CHMP3: variants seen among roughly 807,000 people sequenced by gnomAD.
CHMP3 encodes charged multivesicular body protein 3, also known as 25.1 protein.
A neutral mutation model predicts 27.4 loss-of-function variants in CHMP3; 8 were observed. That is an observed-to-expected ratio of 0.29 (90% CI 0.17 to 0.53). CHMP3 has a LOEUF of 0.53. CHMP3 is among the 20% of genes least tolerant of loss of function. The pLI, the probability that CHMP3 is intolerant of heterozygous loss-of-function variation, is 0.96. For missense variants in CHMP3, 208 were observed against 271.5 expected (o/e 0.77, Z 1.64); for synonymous variants, 86 against 85.5 (o/e 1.01, Z -0.03).
chr2:86,557,006 G>A (rs1319273323), intron 1 of CHMP3, among the ~76,000 whole-genome samples: 1 of 152,218 alleles, frequency 6.6e-6, no homozygotes, highest in African/African-American at 2.4e-5. Context: ...AGAATAAACA[G>A]AAACATAATC....
At chr2:86,514,628 T>C (rs779611312) in intron 3 of CHMP3, among the ~76,000 whole-genome samples, 1 of 152,178 alleles carries the variant, frequency 6.6e-6, no homozygotes, top group African/African-American at 2.4e-5. Context: ...TAACAATATG[T>C]TGAATGCATA....
In CHMP3 at chr2:86,504,255, T is replaced by C. The variant is rs112818829; in HGVS notation, c.*1549A>G. 2.2e-4 allele frequency: 33 copies of C among 152,158 alleles called. No homozygotes were observed. Among genetic ancestry groups the C allele is most frequent in the African/African-American group, 7.7e-4 (32 of 41,516 alleles). 9.4% of individuals were successfully genotyped at this position (152,158 alleles called of 1,614,324 possible). ...CTTCATGTAAACTATGGACTTTGGG[T>C]GATAATGATGTGTCAATGGAGGTTT... is the stretch of plus-strand genomic sequence containing the variant. On this transcript the variant is annotated 3_prime_UTR_variant, in exon 6 of 6. Coordinates refer to ENST00000263856, the MANE Select transcript of CHMP3 (RefSeq NM_016079.4).
chr2:86,505,694 C>T lies in CHMP3; in HGVS notation c.*110G>A, dbSNP rs1005452251. 1.4e-5 allele frequency: 19 copies of T among 1,313,616 alleles called. No individual in the cohort carries two copies. The highest frequency in any genetic ancestry group is 1.4e-4 in the African/African-American group (9 of 66,496). The allele number at this position is 1,313,616 out of a possible 1,614,324, so 81.4% of individuals were successfully genotyped here. On this transcript the variant is annotated 3_prime_UTR_variant, in exon 6 of 6. Transcript: ENST00000263856. The stretch of plus-strand genomic sequence containing the variant: ...TGGGCAGAGAATGAAAAGAGACAAA[C>T]AGAACCTTCTCCAAAATGGTAGTCC...
At position 86,542,085 on chromosome 2, in the gene CHMP3, T is replaced by G. The variant is rs192031839; in HGVS notation, c.106+167A>C. Among the ~76,000 whole-genome samples the G allele has an allele frequency of 1.2e-3, 181 of 152,302 alleles. 1 individual carries two copies. Among genetic ancestry groups the G allele is most frequent in the Middle Eastern group, 6.8e-3 (2 of 294 alleles). ...AAGTTTCTTCTAACTCATTATCTTT[T>G]TTTAATACTGATTACAGAATTAAAA... On this transcript the variant is annotated intron_variant, in intron 2 of 5. Coordinates refer to ENST00000263856, the MANE Select transcript of CHMP3 (RefSeq NM_016079.4).
At chr2:86,509,756 G>A (rs1423610443) in intron 4 of CHMP3, among the ~76,000 whole-genome samples, 2 of 152,154 alleles carry the variant, frequency 1.3e-5, no homozygotes, top group Non-Finnish European at 1.5e-5. Context: ...TATGTAAAAC[G>A]AGGACAAAAA....
At chr2:86,509,739 TTCTG>T (rs920425511) in intron 4 of CHMP3, among the ~76,000 whole-genome samples, 2 of 152,302 alleles carry the variant, frequency 1.3e-5, no homozygotes, top group East Asian at 1.9e-4. Flanking sequence ...AAAGCTCAGT[TTCTG>T]TCTATGTAAA....
intron 1 of CHMP3, among the ~76,000 whole-genome samples, chr2:86,562,473 G>T (rs12987172): frequency 6.6e-6 from 1 of 151,968 alleles, no homozygotes; most frequent in Non-Finnish European, 1.5e-5. Flanking sequence ...AAGCTGTGCC[G>T]TATTTAAAGA....
rs577690824 is a variant in CHMP3, at chr2:86,535,798, G to A, written c.107-6401C>T. Among the ~76,000 whole-genome samples, 22 of 152,104 alleles carry A rather than the reference G, an allele frequency of 1.4e-4. No individual in the cohort carries two copies. In the South Asian group the frequency reaches 2.9e-3, roughly 20 times the overall value. ...AGGGATTACAGGTATAAGCCACTGC[G>A]CCCAGCCTGCATGAGCTTAATTTCA... On this transcript the variant is annotated intron_variant, in intron 2 of 5. Transcript: ENST00000263856.
intron 3 of CHMP3, among the ~76,000 whole-genome samples, chr2:86,525,772 A>T (rs548770594): frequency 4.6e-5 from 7 of 150,898 alleles, no homozygotes; most frequent in East Asian, 1.9e-4. Context: ...AAATTAAAAT[A>T]AAAAAAAATT....
In CHMP3 at chr2:86,538,991, C is replaced by G. The variant is rs188480637; in HGVS notation, c.106+3261G>C. On this transcript the variant is annotated intron_variant, in intron 2 of 5. Coordinates refer to ENST00000263856, the MANE Select transcript of CHMP3 (RefSeq NM_016079.4). Reference sequence around the variant, plus strand: ...ATATTACGAACATGCCACAAGGCCCCCTTACGTTACCTTTAATCCACCATT... The same window carrying G: ...ATATTACGAACATGCCACAAGGCCCGCTTACGTTACCTTTAATCCACCATT... 5.9e-4 allele frequency among the ~76,000 whole-genome samples: 90 copies of G among 152,270 alleles called. 1 individual carries two copies. Among genetic ancestry groups the G allele is most frequent in the Admixed American group, 4.4e-3 (68 of 15,296 alleles).
chr2:86,523,497 T>G (rs770797467), intron 3 of CHMP3, among the ~76,000 whole-genome samples: 3 of 152,206 alleles, frequency 2.0e-5, no homozygotes, highest in Non-Finnish European at 2.9e-5. Context: ...GCCTGTAATA[T>G]TCACGATTTT....
intron 1 of CHMP3, among the ~76,000 whole-genome samples, chr2:86,548,924 T>C (rs1386008660): frequency 2.4e-5 from 3 of 124,790 alleles, no homozygotes; most frequent in Admixed American, 8.2e-5. Flanking sequence ...TCCCAGATGA[T>C]GGGCCGGGCA....
intron 3 of CHMP3, among the ~76,000 whole-genome samples, chr2:86,522,521 C>T (rs542014122): frequency 6.6e-6 from 1 of 152,200 alleles, no homozygotes; most frequent in Non-Finnish European, 1.5e-5. Flanking sequence ...CTAGTCTGGT[C>T]AGCCCAAGTG....
chr2:86,544,691 CA>C (rs1424093029), intron 1 of CHMP3, among the ~76,000 whole-genome samples: 1 of 152,212 alleles, frequency 6.6e-6, no homozygotes, highest in East Asian at 1.9e-4. Flanking sequence ...CATCCCAAGG[CA>C]GAAGAATTTT....
chr2:86,547,828 C>T (rs1573293212), intron 1 of CHMP3, among the ~76,000 whole-genome samples: 2 of 152,046 alleles, frequency 1.3e-5, no homozygotes, highest in East Asian at 3.9e-4. Context: ...ATAACGTGTA[C>T]AGAATAAAAA....
chr2:86,550,237 G>A (rs111749633), intron 1 of CHMP3, among the ~76,000 whole-genome samples: 2 of 152,234 alleles, frequency 1.3e-5, no homozygotes, highest in African/African-American at 2.4e-5. Context: ...CCAGTCAGGC[G>A]TGGCGGCGCA....
chr2:86,538,685 C>A (rs75921844), intron 2 of CHMP3, among the ~76,000 whole-genome samples: 2,790 of 152,160 alleles, frequency 0.018, 48 homozygotes, highest in East Asian at 0.054. Context: ...ATTTGAGGAG[C>A]AGATGAAATG....
Position 86,505,677 on chromosome 2 carries a change from G to C in CHMP3, c.*127C>G, listed in dbSNP as rs1214911180. On this transcript the variant is annotated 3_prime_UTR_variant, in exon 6 of 6. Transcript: ENST00000263856. ...TTTGCGATCCCAAAACCTGGGCAGA[G>C]AATGAAAAGAGACAAACAGAACCTT... 5.5e-6 allele frequency: 7 copies of C among 1,270,224 alleles called. No homozygotes were observed. Among genetic ancestry groups the C allele is most frequent in the Non-Finnish European group, 7.1e-6 (7 of 986,012 alleles). 78.7% of individuals were successfully genotyped at this position (1,270,224 alleles called of 1,614,324 possible). A position where few individuals can be genotyped will look rare whatever the true frequency, so the allele number is the denominator to read the frequency against.
chr2:86,507,668 C>G, intron 4 of CHMP3, 75 bp from the exon 5 acceptor site: 1 of 1,314,986 alleles, frequency 7.6e-7, no homozygotes, highest in Non-Finnish European at 1.1e-6. Flanking sequence ...ATCACCTAGA[C>G]CGAGCTCTAG....
Sources: gnomAD v4.1 joint callset for allele counts (sites outside exome capture counted in the v4.1 genomes callset) on GRCh38, gnomAD v4.1.1 for gene constraint, MANE v1.5 for transcripts, NCBI Gene and HGNC (gene_info 2026-07-23, HGNC 2026-07-21) for gene names.